The following KCNAB1 variants were observed in gnomAD, a reference collection of about 807,000 sequenced individuals.
KCNAB1 encodes the protein voltage-gated potassium channel subunit beta-1.
KCNAB1 carries 35 observed loss-of-function variants against 64.6 expected under a neutral mutation model. The observed-to-expected ratio is 0.54, with a 90% confidence interval of 0.41 to 0.72. The LOEUF is 0.72. Ranked by LOEUF, KCNAB1 falls within the 30% of genes least tolerant of loss-of-function variation. The pLI is 0.00. For missense variants in KCNAB1, 401 were observed against 512.9 expected, an observed-to-expected ratio of 0.78 and a Z score of 2.11; for synonymous variants, 177 against 183.8, an observed-to-expected ratio of 0.96 and a Z score of 0.30.
rs560468549 is a variant in KCNAB1 at position 156,196,918 on chromosome 3, G to A, written c.275+76032G>A. On this transcript the variant is annotated intron_variant, in intron 1 of 13. Transcript: ENST00000490337. ...AATGCTTCCAGTTTTTGCCCATTCA[G>A]TATGATACTGGCTGTGTGTTTGTCG... Among the ~76,000 whole-genome samples the A allele has an allele frequency of 3.3e-5, 5 of 152,270 alleles. No individual in the cohort carries two copies. The South Asian group carries it at 1.0e-3, about 32-fold the overall frequency.
At chr3:156,276,354 G>A (rs1719346183) in intron 1 of KCNAB1, among the ~76,000 whole-genome samples, 1 of 152,112 alleles carries the variant, frequency 6.6e-6, no homozygotes, top group Non-Finnish European at 1.5e-5. Context: ...TAATTCTTAA[G>A]GACCCTAGGG....
At chr3:156,222,310 C>T (rs556385140) in intron 1 of KCNAB1, among the ~76,000 whole-genome samples, 2 of 152,082 alleles carry the variant, frequency 1.3e-5, no homozygotes, top group African/African-American at 2.4e-5. Context: ...AACTTTAAAG[C>T]AACATCAGTT....
At position 156,354,047 on chromosome 3, in the gene KCNAB1, A is replaced by ATATGTGTGTGTGTGTG. The variant is rs1553851297; in HGVS notation, c.276-67568_276-67567insATGTGTGTGTGTGTGT. Among the ~76,000 whole-genome samples the ATATGTGTGTGTGTGTG allele has an allele frequency of 2.1e-3, 287 of 137,578 alleles. 3 individuals carry two copies. Among genetic ancestry groups the ATATGTGTGTGTGTGTG allele is most frequent in the African/African-American group, 7.5e-3 (276 of 36,984 alleles). The allele number at this position is 137,578 out of a possible 152,430, so 90.3% of individuals were successfully genotyped here. On this transcript the variant is annotated intron_variant, in intron 1 of 13. Transcript: ENST00000490337. ...TGTCATAATGTGTGTGTGTATATAT[A>ATATGTGTGTGTGTGTG]TGTGTGTGTGTGTGTGTGTGTGTGT... is the stretch of plus-strand genomic sequence containing the variant.
intron 1 of KCNAB1, among the ~76,000 whole-genome samples, chr3:156,414,315 TA>T (rs1450795360): frequency 1.3e-5 from 2 of 152,134 alleles, no homozygotes; most frequent in Admixed American, 6.6e-5. Context: ...TAACATTACA[TA>T]AAATACACAG....
chr3:156,399,627 G>A (rs1295389999), intron 1 of KCNAB1, among the ~76,000 whole-genome samples: 1 of 152,132 alleles, frequency 6.6e-6, no homozygotes, highest in Non-Finnish European at 1.5e-5. Context: ...CTGCCCGGAA[G>A]AGACAACCAA....
rs548325025 is a variant in KCNAB1 at position 156,311,100 on chromosome 3, G to A, written c.276-110516G>A. ...TTCTCCTGCTCTTAATGTGCCAGTA[G>A]CACTGGATTAGGGTAGGATCAGGGA... On this transcript the variant is annotated intron_variant, in intron 1 of 13. Transcript: ENST00000490337. Among the ~76,000 whole-genome samples, 4 of 152,316 alleles carry A rather than the reference G, an allele frequency of 2.6e-5. No homozygotes were observed. The South Asian group carries it at 8.3e-4, about 32-fold the overall frequency.
chr3:156,483,687 A>G (rs1414755169), intron 8 of KCNAB1, among the ~76,000 whole-genome samples: 1 of 152,130 alleles, frequency 6.6e-6, no homozygotes. Flanking sequence ...CAGCAAAGGC[A>G]CATTACAGAG....
chr3:156,161,448 C>G lies in KCNAB1; in HGVS notation c.275+40562C>G, dbSNP rs139734429. On this transcript the variant is annotated intron_variant, in intron 1 of 13. Coordinates refer to ENST00000490337, the MANE Select transcript of KCNAB1 (RefSeq NM_172160.3). ...AATTTGTTGACACACACAAACCACTCCCATCCAGCCCCCAACCCTCCAGAG... is the reference window on the plus strand; with the variant it reads ...AATTTGTTGACACACACAAACCACTGCCATCCAGCCCCCAACCCTCCAGAG... 6.7e-3 allele frequency among the ~76,000 whole-genome samples: 1,016 copies of G among 152,270 alleles called. 17 individuals carry two copies. Among genetic ancestry groups the G allele is most frequent in the African/African-American group, 0.024 (999 of 41,536 alleles).
intron 1 of KCNAB1, among the ~76,000 whole-genome samples, chr3:156,215,389 T>C (rs1162358494): frequency 6.6e-6 from 1 of 152,244 alleles, no homozygotes; most frequent in Non-Finnish European, 1.5e-5. Context: ...TTTAGTTTCT[T>C]CTTGTAGGCC....
intron 1 of KCNAB1, among the ~76,000 whole-genome samples, chr3:156,167,555 A>G (rs1711664008): frequency 6.6e-6 from 1 of 152,194 alleles, no homozygotes; most frequent in African/African-American, 2.4e-5. Flanking sequence ...TGCTATGACA[A>G]CATCAATAGA....
intron 1 of KCNAB1, among the ~76,000 whole-genome samples, chr3:156,270,120 G>A (rs538205393): frequency 1.9e-4 from 29 of 152,060 alleles, no homozygotes; most frequent in Middle Eastern, 6.8e-3. Context: ...GTTTCACCGT[G>A]TTAGCCAGGA....
At chr3:156,467,766 G>A (rs1408477671) in intron 7 of KCNAB1, among the ~76,000 whole-genome samples, 1 of 152,078 alleles carries the variant, frequency 6.6e-6, no homozygotes, top group African/African-American at 2.4e-5. Context: ...CCATCCTTAG[G>A]TAAATGGGGT....
chr3:156,271,220 A>G (rs1719018062), intron 1 of KCNAB1, among the ~76,000 whole-genome samples: 1 of 151,978 alleles, frequency 6.6e-6, no homozygotes, highest in African/African-American at 2.4e-5. Context: ...TTGAGTATTG[A>G]TATCTCTCTC....
intron 1 of KCNAB1, among the ~76,000 whole-genome samples, chr3:156,186,090 A>G (rs967368546): frequency 6.6e-6 from 1 of 152,202 alleles, no homozygotes; most frequent in Non-Finnish European, 1.5e-5. Context: ...TTGCCAATCA[A>G]TTGGCCACAA....
intron 1 of KCNAB1, among the ~76,000 whole-genome samples, chr3:156,398,040 AC>A (rs1012208806): frequency 7.9e-5 from 12 of 152,322 alleles, no homozygotes; most frequent in African/African-American, 2.9e-4. Context: ...TACATGTACC[AC>A]TATGCTCATA....
intron 1 of KCNAB1, among the ~76,000 whole-genome samples, chr3:156,260,578 T>G (rs1560163229): frequency 6.6e-6 from 1 of 152,214 alleles, no homozygotes; most frequent in African/African-American, 2.4e-5. Context: ...TGAGGATGAT[T>G]CATGTAGTTG....
Position 156,508,670 on chromosome 3 carries a change from A to G in KCNAB1, c.659-5694A>G, listed in dbSNP as rs1382294277. Among the ~76,000 whole-genome samples, 1 of 152,202 alleles carries G rather than the reference A, an allele frequency of 6.6e-6. No homozygotes were observed. The highest frequency in any genetic ancestry group is 2.4e-5 in the African/African-American group (1 of 41,444). ...CAAATTCACAAGTTATTCTACACCC[A>G]TTATCCCACGTCAAGCTTTGAAAGA... On this transcript the variant is annotated intron_variant, in intron 8 of 13. Transcript: ENST00000490337. This position sits in a 1 kb window ranked among gnomAD's most constrained non-coding sequence, Gnocchi z 4.1.
chr3:156,360,227 T>C (rs922618915), intron 1 of KCNAB1, among the ~76,000 whole-genome samples: 10 of 152,238 alleles, frequency 6.6e-5, no homozygotes, highest in Non-Finnish European at 1.5e-4. Context: ...CCTGAGTTTC[T>C]CCCAGCTCTG....
intron 1 of KCNAB1, among the ~76,000 whole-genome samples, chr3:156,136,338 G>A (rs921408092): frequency 2.0e-5 from 3 of 152,204 alleles, no homozygotes; most frequent in Non-Finnish European, 4.4e-5. Flanking sequence ...GGAAGAAACT[G>A]TGACTCAGAA....
Sources: allele counts gnomAD v4.1 joint callset (sites outside exome capture counted in the v4.1 genomes callset), GRCh38; gene constraint gnomAD v4.1.1; non-coding constraint Gnocchi (gnomAD v3.1); transcripts MANE v1.5; gene names NCBI Gene and HGNC (gene_info 2026-07-23, HGNC 2026-07-21).